Variants in SCN11A observed in about 807,000 individuals in gnomAD.
The protein encoded by SCN11A is sodium voltage-gated channel alpha subunit 11.
Under a neutral mutation model 162.2 loss-of-function variants are expected in SCN11A, and 122 were observed. The observed-to-expected ratio is 0.75, with a 90% confidence interval of 0.65 to 0.87. The LOEUF (loss-of-function observed/expected upper bound fraction) is 0.87, where lower values mean the gene tolerates loss of function less well. Among genes scored for constraint, SCN11A ranks in the 40% least tolerant of loss-of-function variants. SCN11A has a pLI of 0.00. For synonymous variants in SCN11A, 758 were observed against 751.5 expected (o/e 1.01, Z -0.14); for missense variants, 2,015 against 2,181.6 (o/e 0.92, Z 1.52).
chr3:38,991,096 T>C (rs182148330), intron 2 of SCN11A, among the ~76,000 whole-genome samples: 11 of 152,354 alleles, frequency 7.2e-5, no homozygotes, highest in Non-Finnish European at 1.2e-4. Flanking sequence ...TGATTACTTC[T>C]TAGAAATGGA....
At chr3:38,971,829 G>C (rs1052450092) in intron 2 of SCN11A, among the ~76,000 whole-genome samples, 1 of 152,170 alleles carries the variant, frequency 6.6e-6, no homozygotes, top group Non-Finnish European at 1.5e-5. Flanking sequence ...TGGAGTTCAT[G>C]CTTATAAAGT....
chr3:38,847,709 T>A lies in SCN11A; in HGVS notation c.4361A>T (p.His1454Leu), dbSNP rs763228371. The change falls in exon 30 of 30, where the codon CAC becomes CTC. Residue 1454 changes from histidine (H) to leucine (L), a missense_variant. His to Leu is a moderately conservative substitution (Grantham distance 99, BLOSUM62 -3). Transcript: ENST00000302328. ...GAAGAGCGTCGGAGGGAAAGGAATG[T>A]GCTCCTGATTTTCCAAGGTAGAAAT... is the stretch of plus-strand genomic sequence containing the variant. ...TMISTLENQE[H>L]IPFPPTLFRI... The A allele has an allele frequency of 2.5e-6, 4 of 1,605,128 alleles. No individual in the cohort carries two copies. The highest frequency in any genetic ancestry group is 2.6e-6 in the Non-Finnish European group (3 of 1,175,358).
At chr3:39,007,208 A>G (rs754819050) in intron 2 of SCN11A, among the ~76,000 whole-genome samples, 8 of 152,224 alleles carry the variant, frequency 5.3e-5, no homozygotes, top group Non-Finnish European at 1.2e-4. Flanking sequence ...AGAAATATAC[A>G]TAAAAGAGCA....
intron 19 of SCN11A, among the ~76,000 whole-genome samples, chr3:38,889,298 A>AC (rs1414245289): frequency 1.3e-5 from 2 of 151,668 alleles, no homozygotes. Flanking sequence ...GGTGGCACAC[A>AC]CCTGTAATCC....
chr3:38,847,554 G>C lies in SCN11A; in HGVS notation c.4516C>G (p.Leu1506Val), dbSNP rs749096524. The change falls in exon 30 of 30, where the codon CTG (leucine) becomes GTG (valine). Residue 1506 changes from leucine to valine, a missense_variant. Leu to Val is a conservative substitution (Grantham distance 32). Transcript: ENST00000302328. ...AGAATGGCATAGATAAACATAATCA[G>C]AAAGAGTAGAAGACCAATGTTGAAC... ...SLFNIGLLLF[L>V]IMFIYAILGM... 1 of 1,614,174 alleles carries C rather than the reference G, an allele frequency of 6.2e-7. No individual in the cohort carries two copies. The highest frequency in any genetic ancestry group is 1.1e-5 in the South Asian group (1 of 91,076).
chr3:39,022,743 C>T (rs2031481777), intron 2 of SCN11A, among the ~76,000 whole-genome samples: 1 of 151,996 alleles, frequency 6.6e-6, no homozygotes, highest in Non-Finnish European at 1.5e-5. Context: ...AAGCCAGGCA[C>T]GGTGGTGCAT....
chr3:38,876,544 C>T (rs974063981), intron 23 of SCN11A, among the ~76,000 whole-genome samples: 1 of 151,966 alleles, frequency 6.6e-6, no homozygotes, highest in Admixed American at 6.6e-5. Flanking sequence ...CAAAAGTGGG[C>T]AAAGGACATG....
chr3:38,936,322 C>A (rs1213575165), intron 7 of SCN11A, among the ~76,000 whole-genome samples: 2 of 149,550 alleles, frequency 1.3e-5, no homozygotes, highest in Non-Finnish European at 3.0e-5. Flanking sequence ...GACAGGGATG[C>A]CCTCTCTCAC....
Position 38,905,210 on chromosome 3 carries a change from G to A in SCN11A, c.1585C>T (p.Leu529Phe). 1 of 1,614,046 alleles carries A rather than the reference G, an allele frequency of 6.2e-7. No individual in the cohort carries two copies. Among genetic ancestry groups the A allele is most frequent in the Non-Finnish European group, 8.5e-7 (1 of 1,179,958 alleles). ...AACTTACCCTTCATGGTGATGGTGAGGATGCTGACAGCACTCAGTGCTCTC... is the reference window on the plus strand; with the variant it reads ...AACTTACCCTTCATGGTGATGGTGAAGATGCTGACAGCACTCAGTGCTCTC... ...RQRALSAVSI[L>F]TITMKEQEKS... The change falls in exon 15 of 30, where the codon CTC becomes TTC. Residue 529 changes from leucine to phenylalanine, a missense_variant. Coordinates refer to ENST00000302328, the MANE Select transcript of SCN11A (RefSeq NM_001349253.2).
At chr3:39,049,546 G>C (rs2032273345) in intron 1 of SCN11A, among the ~76,000 whole-genome samples, 1 of 152,184 alleles carries the variant, frequency 6.6e-6, no homozygotes, top group African/African-American at 2.4e-5. Context: ...GAATAGACTT[G>C]CCTACATGTG....
Position 38,995,489 on chromosome 3 carries a change from C to T in SCN11A, c.-279-35066G>A, listed in dbSNP as rs147702856. On this transcript the variant is annotated intron_variant, in intron 2 of 29. Coordinates refer to ENST00000302328, the MANE Select transcript of SCN11A (RefSeq NM_001349253.2). ...GAAATTAGTGTTTGAATTGTGGACT[C>T]AGTGGACCACCTTCCTCCATGTTGG... 1.6e-4 allele frequency among the ~76,000 whole-genome samples: 24 copies of T among 152,274 alleles called. No homozygotes were observed. The East Asian group carries it at 4.6e-3, about 29-fold the overall frequency.
chr3:38,944,970 TA>T (rs113936565), intron 7 of SCN11A, among the ~76,000 whole-genome samples: 39,882 of 150,516 alleles, frequency 0.26, 5,750 homozygotes, highest in African/African-American at 0.38. Flanking sequence ...TCTCAAAAAA[TA>T]AAAAAAAATA....
At chr3:39,040,756 C>T (rs1483754467) in intron 1 of SCN11A, among the ~76,000 whole-genome samples, 1 of 152,110 alleles carries the variant, frequency 6.6e-6, no homozygotes, top group African/African-American at 2.4e-5. Flanking sequence ...CAATAGAGAG[C>T]TTCAATAACA....
At chr3:39,024,962 C>A (rs950985097) in intron 2 of SCN11A, among the ~76,000 whole-genome samples, 3 of 152,138 alleles carry the variant, frequency 2.0e-5, no homozygotes, top group Admixed American at 6.5e-5. Context: ...AATTTGTATG[C>A]CTTTTCTCCA....
chr3:39,027,285 A>G (rs549498595), intron 2 of SCN11A, among the ~76,000 whole-genome samples: 2 of 152,340 alleles, frequency 1.3e-5, no homozygotes, highest in South Asian at 2.1e-4. Context: ...AGTGGCAACC[A>G]TAAAGGGCCT....
rs752566267 is a variant in SCN11A, at chr3:38,847,068, G to T, written c.5002C>A (p.Leu1668Ile). The T allele has an allele frequency of 4.3e-6, 7 of 1,614,130 alleles. No individual in the cohort carries two copies. Among genetic ancestry groups the T allele is most frequent in the Admixed American group, 1.7e-5 (1 of 60,024 alleles). ...CTCACCATGGGCAAGTCCATTACTA[G>T]AAATTGATATTTATTTGGCTTTGCG... ...RVAKPNKYQFLVMDLPMVSED... is the reference protein window; with the variant it reads ...RVAKPNKYQFIVMDLPMVSED... The change falls in exon 30 of 30, where the codon CTA becomes ATA. Residue 1668 changes from leucine (L) to isoleucine (I), a missense_variant. Leu to Ile is a conservative substitution (Grantham distance 5). Transcript: ENST00000302328.
At chr3:39,037,190 G>A (rs2031924900) in intron 1 of SCN11A, among the ~76,000 whole-genome samples, 1 of 152,170 alleles carries the variant, frequency 6.6e-6, no homozygotes. Flanking sequence ...GGATGGAACT[G>A]GAGGACGTTA....
chr3:38,906,341 C>T lies in SCN11A; in HGVS notation c.1474-1020G>A, dbSNP rs371533992. 5.9e-5 allele frequency among the ~76,000 whole-genome samples: 9 copies of T among 152,160 alleles called. No individual in the cohort carries two copies. The East Asian group carries it at 1.4e-3, about 23-fold the overall frequency. On this transcript the variant is annotated intron_variant, in intron 14 of 29. Coordinates refer to ENST00000302328, the MANE Select transcript of SCN11A (RefSeq NM_001349253.2). ...GATAAGAATAACTTTTTCTGCTGCC[C>T]ATCCCTCCCCCACCACCAGCTTCAT...
intron 2 of SCN11A, among the ~76,000 whole-genome samples, chr3:39,004,144 A>G (rs534842932): frequency 6.6e-6 from 1 of 152,178 alleles, no homozygotes; most frequent in East Asian, 1.9e-4. Context: ...CAGGGTTTTT[A>G]TAGTTTTGGG....
Sources: allele counts gnomAD v4.1 joint callset (sites outside exome capture counted in the v4.1 genomes callset), GRCh38; gene constraint gnomAD v4.1.1; transcripts MANE v1.5; gene names NCBI Gene and HGNC (gene_info 2026-07-23, HGNC 2026-07-21).